Variants in PSKH2 observed in about 807,000 individuals in gnomAD.
PSKH2 encodes serine/threonine-protein kinase H2.
In PSKH2, 16 loss-of-function variants were observed where a neutral mutation model predicts 22.5. That is an observed-to-expected ratio of 0.71 (90% CI 0.48 to 1.08). PSKH2 has a LOEUF of 1.08. Ranked by LOEUF, PSKH2 falls within the 50% of genes least tolerant of loss-of-function variation. The pLI is 0.00. For synonymous variants in PSKH2, 188 were observed against 184.8 expected, an observed-to-expected ratio of 1.02 and a Z score of -0.14; for missense variants, 516 against 492.8, an observed-to-expected ratio of 1.05 and a Z score of -0.44.
At chr8:86,069,304 G>A (rs1300461376) in intron 1 of PSKH2, 134 bp downstream of exon 1, 9 of 724,046 alleles carry the variant, frequency 1.2e-5, no homozygotes, top group African/African-American at 1.9e-5. Flanking sequence ...AGAGAAAGGG[G>A]GAGATCAGTG....
intron 1 of PSKH2, among the ~76,000 whole-genome samples, chr8:86,067,981 G>A (rs1586067850): frequency 6.6e-6 from 1 of 152,150 alleles, no homozygotes; most frequent in East Asian, 1.9e-4. Context: ...CTATGGGGCT[G>A]GGTCTACCCC....
Position 86,064,058 on chromosome 8 carries a change from A to G in PSKH2, c.759T>C (p.Tyr253=). 6.2e-7 allele frequency: 1 copy of G among 1,614,190 alleles called. No homozygotes were observed. Among genetic ancestry groups the G allele is most frequent in the Non-Finnish European group, 8.5e-7 (1 of 1,180,030 alleles). The change falls in exon 2 of 3, where the codon TAT becomes TAC. Residue 253 remains tyrosine (Y), a synonymous_variant. Coordinates refer to ENST00000276616, the MANE Select transcript of PSKH2 (RefSeq NM_033126.3). ...VDMWALGVIT[Y]ALLSGFLPFD... The stretch of plus-strand genomic sequence containing the variant: ...AAGGCAGGAATCCGCTAAGTAAAGC[A>G]TATGTGATCACACCAAGAGCCCACA...
At position 86,064,471 on chromosome 8, in the gene PSKH2, TA is replaced by T. The variant is rs761257764; in HGVS notation, c.345del (p.Ser116AlafsTer21). The T allele has an allele frequency of 3.1e-6, 5 of 1,613,974 alleles. No individual in the cohort carries two copies. The East Asian group carries it at 1.1e-4, about 36-fold the overall frequency. On this transcript the variant is annotated frameshift_variant, in exon 2 of 3. Transcript: ENST00000276616. LOFTEE classifies it high-confidence loss of function. ...CVSELSVLRR[V>X]SHRYIVQLME... is the part of the protein sequence containing the mutation. ...ATGAGCTGGACAATGTAACGATGGC[TA>T]ACCCGCCGCAGGACGCTCAGCTCAG...
At chr8:86,069,024 A>T (rs2130176500) in intron 1 of PSKH2, among the ~76,000 whole-genome samples, 1 of 152,232 alleles carries the variant, frequency 6.6e-6, no homozygotes, top group Non-Finnish European at 1.5e-5. Context: ...GCAACAGGGG[A>T]AAGAAAATGG....
At chr8:86,052,227 C>T (rs1817641723) in intron 2 of PSKH2, among the ~76,000 whole-genome samples, 1 of 152,144 alleles carries the variant, frequency 6.6e-6, no homozygotes, top group South Asian at 2.1e-4. Flanking sequence ...ACCAGCTTTC[C>T]CATCCACTTG....
At chr8:86,063,374 C>T (rs984747314) in intron 2 of PSKH2, among the ~76,000 whole-genome samples, 1 of 152,222 alleles carries the variant, frequency 6.6e-6, no homozygotes, top group Non-Finnish European at 1.5e-5. Context: ...CTTTCCTTCC[C>T]TACCCAAAAC....
chr8:86,058,937 T>C (rs991755231), intron 2 of PSKH2, among the ~76,000 whole-genome samples: 2 of 151,980 alleles, frequency 1.3e-5, no homozygotes, highest in African/African-American at 4.8e-5. Flanking sequence ...ATTTATTTTA[T>C]TTTATTTTAT....
chr8:86,069,457 C>A lies in PSKH2; in HGVS notation c.166G>T (p.Asp56Tyr). 1 of 1,595,256 alleles carries A rather than the reference C, an allele frequency of 6.3e-7. No homozygotes were observed. Among genetic ancestry groups the A allele is most frequent in the East Asian group, 2.3e-5 (1 of 44,342 alleles). The change falls in exon 1 of 3, where the codon GAC becomes TAC. Residue 56 changes from aspartate (D) to tyrosine (Y), a missense_variant. Asp to Tyr is a radical substitution (Grantham distance 160). Coordinates refer to ENST00000276616, the MANE Select transcript of PSKH2 (RefSeq NM_033126.3). Reference sequence around the variant, plus strand: ...CTTTACCTGGCAAGGACCCGGGGGTCGAACTTGGCTCGGAAGCGAGCCACC... The same window carrying A: ...CTTTACCTGGCAAGGACCCGGGGGTAGAACTTGGCTCGGAAGCGAGCCACC... ...IQVARFRAKF[D>Y]PRVLARYDIK... is the part of the protein sequence containing the mutation.
At chr8:86,065,735 G>A (rs1817847106) in intron 1 of PSKH2, among the ~76,000 whole-genome samples, 1 of 152,116 alleles carries the variant, frequency 6.6e-6, no homozygotes, top group Non-Finnish European at 1.5e-5. Context: ...CACTTTGGGA[G>A]GCCGAGGTGG....
chr8:86,052,162 A>G (rs1817640877), intron 2 of PSKH2, among the ~76,000 whole-genome samples: 1 of 152,194 alleles, frequency 6.6e-6, no homozygotes, highest in Non-Finnish European at 1.5e-5. Context: ...CCATAGGTTG[A>G]ATCGAATACC....
intron 2 of PSKH2, among the ~76,000 whole-genome samples, chr8:86,060,114 A>G (rs1351910908): frequency 1.3e-5 from 2 of 152,198 alleles, no homozygotes; most frequent in Non-Finnish European, 2.9e-5. Context: ...GTTACCTGAG[A>G]GATTTCATCT....
At chr8:86,069,153 T>C (rs1563545275) in intron 1 of PSKH2, among the ~76,000 whole-genome samples, 1 of 152,124 alleles carries the variant, frequency 6.6e-6, no homozygotes, top group Admixed American at 6.5e-5. Context: ...CTGGCCCTTA[T>C]GGAAGTTAGG....
At chr8:86,059,941 A>G (rs955821309) in intron 2 of PSKH2, among the ~76,000 whole-genome samples, 4 of 152,210 alleles carry the variant, frequency 2.6e-5, no homozygotes, top group African/African-American at 9.6e-5. Context: ...GAGGAAATCT[A>G]CATTAGTGAA....
intron 1 of PSKH2, among the ~76,000 whole-genome samples, chr8:86,067,135 A>G (rs1033509201): frequency 2.0e-5 from 3 of 152,160 alleles, no homozygotes; most frequent in Non-Finnish European, 4.4e-5. Flanking sequence ...CAATACTGTT[A>G]AGGGGGCTTC....
At chr8:86,068,032 C>T (rs1360063398) in intron 1 of PSKH2, among the ~76,000 whole-genome samples, 1 of 152,226 alleles carries the variant, frequency 6.6e-6, no homozygotes, top group African/African-American at 2.4e-5. Context: ...CTAGACCAGA[C>T]TAGCATCATC....
rs376084208 is a variant in PSKH2, at chr8:86,066,592, A to G, written c.186-1961T>C. 4.6e-5 allele frequency: 7 copies of G among 152,162 alleles called. No individual in the cohort carries two copies. In the East Asian group the frequency reaches 5.8e-4, roughly 13 times the overall value. The allele number at this position is 152,162 out of a possible 1,614,324, so 9.4% of individuals were successfully genotyped here. A position where few individuals can be genotyped will look rare whatever the true frequency, so the allele number is the denominator to read the frequency against. On this transcript the variant is annotated intron_variant, in intron 1 of 2. Transcript: ENST00000276616. ...CAGGGAGAAGGCACGTTTTTATATC[A>G]CATATTCAATACCAAAGATTCAAAT...
intron 1 of PSKH2, among the ~76,000 whole-genome samples, chr8:86,065,475 T>C (rs1012749556): frequency 6.6e-6 from 1 of 152,082 alleles, no homozygotes; most frequent in African/African-American, 2.4e-5. Context: ...AATTTTAACA[T>C]GGAATGTATG....
At chr8:86,048,880 T>C in intron 2 of PSKH2, 113 bp from the exon 3 acceptor site, 1 of 953,242 alleles carries the variant, frequency 1.0e-6, no homozygotes, top group African/African-American at 1.6e-5. Flanking sequence ...TCCAAAAAAC[T>C]TTTTCAAATA....
chr8:86,062,259 A>G (rs1817787276), intron 2 of PSKH2, among the ~76,000 whole-genome samples: 1 of 152,226 alleles, frequency 6.6e-6, no homozygotes, highest in South Asian at 2.1e-4. Flanking sequence ...ATGCTCAGTT[A>G]TGTGTTCAAA....
Sources: gnomAD v4.1 joint callset for allele counts (sites outside exome capture counted in the v4.1 genomes callset) on GRCh38, gnomAD v4.1.1 for gene constraint, MANE v1.5 for transcripts, NCBI Gene and HGNC (gene_info 2026-07-23, HGNC 2026-07-21) for gene names.